IFNAR2: variants seen among roughly 807,000 people sequenced by gnomAD.
The protein encoded by IFNAR2 is interferon alpha/beta receptor 2.
Under a neutral mutation model 49.4 loss-of-function variants are expected in IFNAR2, and 30 were observed. The observed-to-expected ratio is 0.61, with a 90% confidence interval of 0.45 to 0.82. IFNAR2 has a LOEUF of 0.82. Ranked by LOEUF, IFNAR2 falls within the 40% of genes least tolerant of loss-of-function variation. The pLI is 0.00. For missense variants in IFNAR2, 600 were observed against 622.7 expected, an observed-to-expected ratio of 0.96 and a Z score of 0.39; for synonymous variants, 224 against 234.5, an observed-to-expected ratio of 0.96 and a Z score of 0.41.
At chr21:33,242,125 A>G (rs1986986385) in intron 2 of IFNAR2, 148 bp downstream of exon 2, 2 of 635,146 alleles carry the variant, frequency 3.1e-6, no homozygotes, top group Non-Finnish European at 5.3e-6. Flanking sequence ...GTGGAAAGCA[A>G]ATAGGAAACC....
At chr21:33,231,286 C>T (rs1568872229) in intron 1 of IFNAR2, among the ~76,000 whole-genome samples, 2 of 152,218 alleles carry the variant, frequency 1.3e-5, no homozygotes, top group South Asian at 2.1e-4. Context: ...GATAAACACT[C>T]CTAGCAATTA....
At position 33,241,046 on chromosome 21, in the gene IFNAR2, G is replaced by A. The variant is rs17860170; in HGVS notation, c.-83-794G>A. ...ATAGTCATTACTGACTGAGAAGGGT[G>A]GATTGGGTGTGGGGAGTTAAGGAAT... On this transcript the variant is annotated intron_variant, in intron 1 of 8. Coordinates refer to ENST00000342136, the MANE Select transcript of IFNAR2 (RefSeq NM_001289125.3). Among the ~76,000 whole-genome samples the A allele has an allele frequency of 8.8e-3, 1,338 of 152,204 alleles. 21 individuals carry two copies. The highest frequency in any genetic ancestry group is 0.031 in the African/African-American group (1,282 of 41,506).
At chr21:33,262,027 T>C (rs1988601274) in intron 8 of IFNAR2, among the ~76,000 whole-genome samples, 1 of 152,110 alleles carries the variant, frequency 6.6e-6, no homozygotes, top group Non-Finnish European at 1.5e-5. Flanking sequence ...TTGAGCAAGT[T>C]TCTTAACTTC....
At position 33,246,850 on chromosome 21, in the gene IFNAR2, G is replaced by A. The variant is rs369834795; in HGVS notation, c.354G>A (p.Thr118=). Residue 118 remains threonine (T), a synonymous_variant, in exon 5 of 9, where the codon ACG becomes ACA. Coordinates refer to ENST00000342136, the MANE Select transcript of IFNAR2 (RefSeq NM_001289125.3). The part of the protein sequence containing the change: ...TVLEGFSGNT[T]LFSCSHNFWL... ...TAGAAGGATTCAGCGGGAACACAAC[G>A]TTGTTCAGTTGCTCACACAATTTCT... The A allele has an allele frequency of 1.6e-5, 26 of 1,614,066 alleles. No homozygotes were observed. The highest frequency in any genetic ancestry group is 5.0e-5 in the Admixed American group (3 of 60,014).
Position 33,263,318 on chromosome 21 carries a change from A to ATCTCTC in IFNAR2, c.1367_1368insCTCTCT (p.Met456delinsIleSerLeu). 6.2e-7 allele frequency: 1 copy of ATCTCTC among 1,614,144 alleles called. No homozygotes were observed. Among genetic ancestry groups the ATCTCTC allele is most frequent in the East Asian group, 2.2e-5 (1 of 44,890 alleles). On this transcript the variant is annotated protein_altering_variant, in exon 9 of 9. Coordinates refer to ENST00000342136, the MANE Select transcript of IFNAR2 (RefSeq NM_001289125.3). The stretch of plus-strand genomic sequence containing the variant: ...GATGCTATCGTCTCATCTGGAAGAG[A>ATCTCTC]TGGTTGACCCAGAGGATCCTGATAA...
intron 1 of IFNAR2, among the ~76,000 whole-genome samples, chr21:33,236,601 T>C (rs1036930913): frequency 2.0e-5 from 3 of 152,160 alleles, no homozygotes; most frequent in African/African-American, 7.2e-5. Flanking sequence ...CAGCGGAATG[T>C]GGTCCCAGTT....
At chr21:33,247,849 A>G (rs1987555562) in intron 5 of IFNAR2, among the ~76,000 whole-genome samples, 1 of 152,200 alleles carries the variant, frequency 6.6e-6, no homozygotes, top group Non-Finnish European at 1.5e-5. Flanking sequence ...CTCATACATG[A>G]TTAGCAAAGT....
Position 33,263,374 on chromosome 21 carries a change from G to C in IFNAR2, c.1422G>C (p.Gly474=). 6.2e-7 allele frequency: 1 copy of C among 1,614,168 alleles called. No homozygotes were observed. Among genetic ancestry groups the C allele is most frequent in the Non-Finnish European group, 8.5e-7 (1 of 1,180,024 alleles). The change falls in exon 9 of 9, where the codon GGG becomes GGC. Residue 474 remains glycine, a synonymous_variant. Transcript: ENST00000342136. ...NVQSNHLLAS[G]EGTQPTFPSP... The stretch of plus-strand genomic sequence containing the variant: ...AATCAAACCATTTGCTGGCCAGCGG[G>C]GAAGGGACACAGCCAACCTTTCCCA...
chr21:33,257,974 T>A (rs555290191), intron 7 of IFNAR2, among the ~76,000 whole-genome samples: 1 of 152,294 alleles, frequency 6.6e-6, no homozygotes, highest in African/African-American at 2.4e-5. Context: ...GTGAACAGGC[T>A]AACCTCTATG....
chr21:33,259,730 T>C (rs973296518), intron 7 of IFNAR2, among the ~76,000 whole-genome samples: 25 of 152,234 alleles, frequency 1.6e-4, no homozygotes, highest in Non-Finnish European at 3.5e-4. Flanking sequence ...GTCATTGATA[T>C]GACAATCCAA....
At chr21:33,231,644 T>G in intron 1 of IFNAR2, 3 of 977,752 alleles carry the variant, frequency 3.1e-6, no homozygotes, top group Non-Finnish European at 3.6e-6. Context: ...TTGGACTCAT[T>G]TTTTCTGCTA....
chr21:33,253,545 A>G (rs965376823), intron 7 of IFNAR2, among the ~76,000 whole-genome samples: 1 of 152,164 alleles, frequency 6.6e-6, no homozygotes, highest in Admixed American at 6.5e-5. Context: ...GTCCCAATCC[A>G]TACCCCAAGA....
intron 3 of IFNAR2, 73 bp downstream of exon 3, chr21:33,243,787 A>G: frequency 2.9e-6 from 3 of 1,032,716 alleles, no homozygotes; most frequent in Non-Finnish European, 4.6e-6. Context: ...TCAGAGGTAT[A>G]AAATGTGGGA....
rs1422057210 is a variant in IFNAR2, at chr21:33,244,977, A to AAG, written c.126_127dup (p.Ile43ArgfsTer15). Reference sequence around the variant, plus strand: ...TTACACAGATGAATCTTGCACTTTCAAGATATCATTGCGAAATTTCCGGTC... The same window carrying AAG: ...TTACACAGATGAATCTTGCACTTTCAAGAGATATCATTGCGAAATTTCCGGTC... On this transcript the variant is annotated frameshift_variant, in exon 4 of 9. Transcript: ENST00000342136. LOFTEE classifies it high-confidence loss of function. The AAG allele has an allele frequency of 6.2e-7, 1 of 1,613,438 alleles. No homozygotes were observed. Among genetic ancestry groups the AAG allele is most frequent in the African/African-American group, 1.3e-5 (1 of 74,900 alleles).
intron 1 of IFNAR2, 136 bp from the exon 2 acceptor site, chr21:33,241,704 C>T: frequency 2.1e-6 from 1 of 486,270 alleles, no homozygotes; most frequent in Admixed American, 4.3e-5. Flanking sequence ...TAAAATTCCT[C>T]CCAGACTAGG....
Position 33,246,934 on chromosome 21 carries a change from A to T in IFNAR2, c.394+44A>T, listed in dbSNP as rs766959614. On this transcript the variant is annotated intron_variant, in intron 5 of 8. Coordinates refer to ENST00000342136, the MANE Select transcript of IFNAR2 (RefSeq NM_001289125.3). The stretch of plus-strand genomic sequence containing the variant: ...TCTCCACTTCGTCCCCATCATCAAG[A>T]TCTTTATTATTTGCTATTCCATGAA... The T allele has an allele frequency of 3.9e-6, 6 of 1,524,692 alleles. No homozygotes were observed. The African/African-American group carries it at 8.2e-5, about 21-fold the overall frequency. 94.4% of individuals were successfully genotyped at this position (1,524,692 alleles called of 1,614,324 possible).
intron 8 of IFNAR2, chr21:33,262,525 A>G (rs1421927287): frequency 7.2e-6 from 5 of 690,442 alleles, no homozygotes; most frequent in South Asian, 1.5e-5. Context: ...CTGCATCATC[A>G]TTCAATCTCA....
At chr21:33,240,591 C>T (rs1036913695) in intron 1 of IFNAR2, among the ~76,000 whole-genome samples, 32 of 152,124 alleles carry the variant, frequency 2.1e-4, no homozygotes, top group East Asian at 9.7e-4. Flanking sequence ...GAGGCCAAGG[C>T]GAGAATCCAG....
intron 5 of IFNAR2, among the ~76,000 whole-genome samples, chr21:33,247,749 T>A (rs1307457874): frequency 6.6e-6 from 1 of 152,214 alleles, no homozygotes; most frequent in East Asian, 1.9e-4. Context: ...CCCAGCTGTG[T>A]TACTTTTTCA....
Sources: allele counts gnomAD v4.1 joint callset (sites outside exome capture counted in the v4.1 genomes callset), GRCh38; gene constraint gnomAD v4.1.1; transcripts MANE v1.5; gene names NCBI Gene and HGNC (gene_info 2026-07-23, HGNC 2026-07-21).